SNX29: variants seen among roughly 807,000 people sequenced by gnomAD.
The protein encoded by SNX29 is sorting nexin 29.
SNX29 carries 78 observed loss-of-function variants against 102.1 expected under a neutral mutation model. The ratio of observed to expected loss-of-function variants is 0.76; its 90% CI spans 0.64 to 0.92. The LOEUF (loss-of-function observed/expected upper bound fraction) is 0.92, where lower values mean the gene tolerates loss of function less well. SNX29 is among the 40% of genes least tolerant of loss of function. The pLI, the probability that SNX29 is intolerant of heterozygous loss-of-function variation, is 0.00. For missense variants in SNX29, 1,280 were observed against 1,061.7 expected, an observed-to-expected ratio of 1.21 and a Z score of -2.86; for synonymous variants, 580 against 414.5, an observed-to-expected ratio of 1.40 and a Z score of -4.85.
In SNX29 at chr16:12,087,934, G is replaced by A. The variant is rs561985123; in HGVS notation, c.1402+9019G>A. ...GGAGCTGCTGCCGCCTCTGCAATAC[G>A]CTTTTGAAGGAGGACCTGTTGGGCA... is the stretch of plus-strand genomic sequence containing the variant. On this transcript the variant is annotated intron_variant, in intron 11 of 20. Transcript: ENST00000566228. The A allele has an allele frequency of 3.3e-5, 15 of 456,786 alleles. 1 individual carries two copies. The highest frequency in any genetic ancestry group is 4.6e-5 in the South Asian group (3 of 64,568). 28.3% of individuals were successfully genotyped at this position (456,786 alleles called of 1,614,324 possible).
At chr16:12,272,394 C>A (rs749583306) in intron 14 of SNX29, among the ~76,000 whole-genome samples, 1 of 152,188 alleles carries the variant, frequency 6.6e-6, no homozygotes, top group African/African-American at 2.4e-5. Context: ...TTTGGAGTCA[C>A]GGGTAGAGCA....
chr16:12,218,256 C>T (rs373605297), intron 14 of SNX29, among the ~76,000 whole-genome samples: 6 of 152,112 alleles, frequency 3.9e-5, no homozygotes, highest in Non-Finnish European at 4.4e-5. Flanking sequence ...TGCAGAGGTA[C>T]GTAAAGAAGT....
At chr16:12,049,210 C>T (rs531484105) in intron 7 of SNX29, among the ~76,000 whole-genome samples, 7 of 152,218 alleles carry the variant, frequency 4.6e-5, no homozygotes, top group African/African-American at 7.2e-5. Context: ...TGATTCAGGC[C>T]GGTCGTGGTG....
chr16:12,308,071 C>G lies in SNX29; in HGVS notation c.1782+30035C>G, dbSNP rs913846865. Among the ~76,000 whole-genome samples, 5 of 152,262 alleles carry G rather than the reference C, an allele frequency of 3.3e-5. No homozygotes were observed. In the South Asian group the frequency reaches 1.0e-3, roughly 32 times the overall value. ...TGCACAGACAGGGTCTACCTCAGCT[C>G]TGGCCTCCCAGTGTAACAGTAGCCT... On this transcript the variant is annotated intron_variant, in intron 15 of 20. Transcript: ENST00000566228.
Position 12,156,149 on chromosome 16 carries a change from G to T in SNX29, c.1595+26391G>T, listed in dbSNP as rs537751170. ...CCCTCTTCCCCCAGAGAGCTTCTTG[G>T]TTAACTCCCTTGTCTCTTTCTAATC... On this transcript the variant is annotated intron_variant, in intron 13 of 20. Transcript: ENST00000566228. Among the ~76,000 whole-genome samples the T allele has an allele frequency of 6.5e-4, 99 of 151,918 alleles. 2 individuals are homozygous for T. In the South Asian group the frequency reaches 0.02, roughly 30 times the overall value.
rs568557304 is a variant in SNX29, at chr16:12,095,741, G to T, written c.1402+16826G>T. ...TTTTTTGGGGCTGGGGAGTGAAGGT[G>T]ATAGAGTCAGGTGAGCCCAGACCAT... On this transcript the variant is annotated intron_variant, in intron 11 of 20. Transcript: ENST00000566228. 5.7e-4 allele frequency among the ~76,000 whole-genome samples: 87 copies of T among 152,278 alleles called. No homozygotes were observed. In the South Asian group the frequency reaches 0.017, roughly 31 times the overall value.
chr16:12,059,286 G>C (rs2050668024), intron 8 of SNX29, among the ~76,000 whole-genome samples: 1 of 152,226 alleles, frequency 6.6e-6, no homozygotes, highest in Non-Finnish European at 1.5e-5. Flanking sequence ...TCTCCTGAAA[G>C]GGCGCCCCTG....
At chr16:12,398,957 G>T (rs2083831327) in intron 17 of SNX29, among the ~76,000 whole-genome samples, 2 of 152,150 alleles carry the variant, frequency 1.3e-5, no homozygotes, top group Admixed American at 1.3e-4. Flanking sequence ...TGGGTTATTG[G>T]AAACAACAGT....
At chr16:12,392,204 C>G (rs2083555204) in intron 16 of SNX29, among the ~76,000 whole-genome samples, 1 of 152,202 alleles carries the variant, frequency 6.6e-6, no homozygotes. Context: ...GCCTGCTGTT[C>G]TTTTCATAGC....
At chr16:12,121,511 G>A (rs9935284) in intron 11 of SNX29, among the ~76,000 whole-genome samples, 4 of 152,116 alleles carry the variant, frequency 2.6e-5, no homozygotes, top group Admixed American at 6.5e-5. Context: ...AGCAGGAGAC[G>A]AAGGCAGGAA....
intron 18 of SNX29, among the ~76,000 whole-genome samples, chr16:12,445,614 G>T (rs573517089): frequency 1.3e-5 from 2 of 152,164 alleles, no homozygotes; most frequent in African/African-American, 4.8e-5. Flanking sequence ...TTCTTCCCAG[G>T]TCCACCTAAG....
In SNX29 at chr16:12,568,206, G is replaced by C. The variant is rs146569509; in HGVS notation, c.2319-300G>C. On this transcript the variant is annotated intron_variant, in intron 20 of 20. Coordinates refer to ENST00000566228, the MANE Select transcript of SNX29 (RefSeq NM_032167.5). ...AATGTGGGGAAGAAAGCTGTGCCTA[G>C]AACATTCTTTCATAGCCTTAAAATG... Among the ~76,000 whole-genome samples the C allele has an allele frequency of 6.4e-4, 97 of 150,670 alleles. 1 individual carries two copies. Among genetic ancestry groups the C allele is most frequent in the African/African-American group, 2.2e-3 (92 of 41,110 alleles).
intron 11 of SNX29, among the ~76,000 whole-genome samples, chr16:12,107,288 C>T (rs1446270101): frequency 6.6e-6 from 1 of 151,144 alleles, no homozygotes; most frequent in Non-Finnish European, 1.5e-5. Context: ...CTGGCATCTG[C>T]TCCAGGTGGA....
intron 18 of SNX29, among the ~76,000 whole-genome samples, chr16:12,421,399 G>A (rs529606675): frequency 6.6e-6 from 1 of 152,232 alleles, no homozygotes; most frequent in Non-Finnish European, 1.5e-5. Context: ...TGGGGCTTCA[G>A]TTCCCCAGGC....
intron 11 of SNX29, among the ~76,000 whole-genome samples, chr16:12,115,246 C>T (rs34126591): frequency 0.014 from 2,070 of 152,160 alleles, 26 homozygotes; most frequent in Middle Eastern, 0.041. Context: ...GGCTGGGAAT[C>T]CCATCCTATC....
At chr16:12,511,776 C>T (rs538812954) in intron 19 of SNX29, among the ~76,000 whole-genome samples, 3 of 152,060 alleles carry the variant, frequency 2.0e-5, no homozygotes, top group Non-Finnish European at 2.9e-5. Context: ...CATCCCCCCT[C>T]CCCCGCAACT....
chr16:12,293,905 T>G (rs1185987622), intron 15 of SNX29, among the ~76,000 whole-genome samples: 1 of 152,212 alleles, frequency 6.6e-6, no homozygotes, highest in East Asian at 1.9e-4. Context: ...ATTTATCTCA[T>G]GTGATCCTTA....
chr16:12,073,105 C>T (rs1208400936), intron 10 of SNX29, among the ~76,000 whole-genome samples: 1 of 151,838 alleles, frequency 6.6e-6, no homozygotes, highest in Non-Finnish European at 1.5e-5. Context: ...TTTGTTGATC[C>T]TTTCAAAAAA....
chr16:12,572,197 T>C lies in SNX29; in HGVS notation c.*3568T>C. 3 of 958,492 alleles carry C rather than the reference T, an allele frequency of 3.1e-6. No homozygotes were observed. The highest frequency in any genetic ancestry group is 3.8e-6 in the Non-Finnish European group (3 of 782,930). 59.4% of individuals were successfully genotyped at this position (958,492 alleles called of 1,614,324 possible). On this transcript the variant is annotated 3_prime_UTR_variant, in exon 21 of 21. Transcript: ENST00000566228. The stretch of plus-strand genomic sequence containing the variant: ...AATTTCTTAGAACCATGGCAGGTAG[T>C]ATTGTGCTTTAAAAACCAGAGGCTC...
Sources: gnomAD v4.1 joint callset for allele counts (sites outside exome capture counted in the v4.1 genomes callset) on GRCh38, gnomAD v4.1.1 for gene constraint, MANE v1.5 for transcripts, NCBI Gene and HGNC (gene_info 2026-07-23, HGNC 2026-07-21) for gene names.